The following LINGO2 variants were observed in gnomAD, a reference collection of about 807,000 sequenced individuals.
The protein encoded by LINGO2 is leucine-rich repeat and immunoglobulin-like domain-containing nogo receptor-interacting protein 2.
Under a neutral mutation model 30.6 loss-of-function variants are expected in LINGO2, and 14 were observed. The observed-to-expected ratio is 0.46, with a 90% CI of 0.30 to 0.72. The LOEUF (loss-of-function observed/expected upper bound fraction) is 0.72. Ranked by LOEUF, LINGO2 falls within the 30% of genes least tolerant of loss-of-function variation. The pLI, the probability that LINGO2 is intolerant of heterozygous loss-of-function variation, is 0.07. For synonymous variants in LINGO2, 317 were observed against 288.5 expected (o/e 1.10, Z -1.00); for missense variants, 729 against 751.7 (o/e 0.97, Z 0.35).
intron 4 of LINGO2, among the ~76,000 whole-genome samples, chr9:28,036,487 C>T (rs763617042): frequency 2.6e-5 from 4 of 152,120 alleles, no homozygotes; most frequent in Admixed American, 2.0e-4. Context: ...TCTAGTAGAC[C>T]TATGACTGAG....
At chr9:29,043,420 C>A in the LINGO2 span, among the ~76,000 whole-genome samples, 1 of 151,904 alleles carries the variant, frequency 6.6e-6, no homozygotes, top group Non-Finnish European at 1.5e-5. Context: ...TTTTAAGAAT[C>A]TTATAAAAAT....
intron 1 of LINGO2, among the ~76,000 whole-genome samples, chr9:28,601,750 CCCT>C (rs1825486264): frequency 6.6e-6 from 1 of 151,970 alleles, no homozygotes; most frequent in Admixed American, 6.6e-5. Flanking sequence ...TACAAAAATC[CCCT>C]CAAGTCCTCA....
chr9:28,718,759 C>T, the LINGO2 span, among the ~76,000 whole-genome samples: 3 of 152,124 alleles, frequency 2.0e-5, no homozygotes, highest in African/African-American at 7.2e-5. Flanking sequence ...TTATTCTTTG[C>T]TCTAGCTTTG....
chr9:27,998,102 C>T (rs1821759657), intron 5 of LINGO2, among the ~76,000 whole-genome samples: 1 of 152,162 alleles, frequency 6.6e-6, no homozygotes. Context: ...TCTCTGTATG[C>T]ACAGGCCCTT....
At chr9:28,676,449 G>T in the LINGO2 span, among the ~76,000 whole-genome samples, 1 of 152,050 alleles carries the variant, frequency 6.6e-6, no homozygotes, top group African/African-American at 2.4e-5. Context: ...GAAACATGTT[G>T]TCATAAACCA....
intron 4 of LINGO2, among the ~76,000 whole-genome samples, chr9:28,049,681 A>C (rs1264249742): frequency 6.6e-6 from 1 of 150,690 alleles, no homozygotes; most frequent in Non-Finnish European, 1.5e-5. Flanking sequence ...ATGAGACCAA[A>C]TGTGTAAAGG....
the LINGO2 span, among the ~76,000 whole-genome samples, chr9:29,032,419 T>G: frequency 6.6e-6 from 1 of 152,300 alleles, no homozygotes; most frequent in East Asian, 1.9e-4. Context: ...TTCAGATAAC[T>G]ACTTTTTAAA....
At chr9:28,238,993 T>G (rs1402911821) in intron 4 of LINGO2, among the ~76,000 whole-genome samples, 1 of 151,980 alleles carries the variant, frequency 6.6e-6, no homozygotes, top group East Asian at 1.9e-4. Flanking sequence ...CAAAGGATCA[T>G]TAGTGGCTAG....
intron 4 of LINGO2, among the ~76,000 whole-genome samples, chr9:28,093,495 C>G (rs1468186370): frequency 6.6e-6 from 1 of 151,900 alleles, no homozygotes; most frequent in Non-Finnish European, 1.5e-5. Flanking sequence ...TTTAGTGTGG[C>G]AATTAGTATA....
At chr9:28,381,993 T>C (rs566195328) in intron 2 of LINGO2, among the ~76,000 whole-genome samples, 3 of 152,220 alleles carry the variant, frequency 2.0e-5, no homozygotes, top group Non-Finnish European at 4.4e-5. Flanking sequence ...AAGAGCCAAG[T>C]CTTTGGATAC....
chr9:28,281,015 G>A (rs1823303914), intron 4 of LINGO2, among the ~76,000 whole-genome samples: 1 of 152,058 alleles, frequency 6.6e-6, no homozygotes, highest in African/African-American at 2.4e-5. Flanking sequence ...ATTTGTAACA[G>A]TCTTTTAAAA....
chr9:28,944,559 C>A, the LINGO2 span, among the ~76,000 whole-genome samples: 32 of 152,088 alleles, frequency 2.1e-4, no homozygotes, highest in Admixed American at 2.1e-3. Flanking sequence ...GCGCCTGCCA[C>A]CACGCCTGGC....
At chr9:27,985,402 T>A (rs1821078594) in intron 5 of LINGO2, among the ~76,000 whole-genome samples, 1 of 151,928 alleles carries the variant, frequency 6.6e-6, no homozygotes, top group Admixed American at 6.6e-5. Flanking sequence ...TTTTCTCCTC[T>A]TGTTTTCATA....
chr9:28,190,723 C>A (rs1261774906), intron 4 of LINGO2, among the ~76,000 whole-genome samples: 1 of 152,162 alleles, frequency 6.6e-6, no homozygotes, highest in South Asian at 2.1e-4. Context: ...TTAAACCAGC[C>A]CGGACATTCT....
chr9:28,436,665 G>C (rs967741005), intron 2 of LINGO2, among the ~76,000 whole-genome samples: 1 of 152,058 alleles, frequency 6.6e-6, no homozygotes, highest in Non-Finnish European at 1.5e-5. Flanking sequence ...CACCGTGTTA[G>C]CCAGGATGGT....
the LINGO2 span, among the ~76,000 whole-genome samples, chr9:28,801,690 C>A: frequency 6.6e-6 from 1 of 151,978 alleles, no homozygotes; most frequent in Non-Finnish European, 1.5e-5. Flanking sequence ...TTAATCTTTT[C>A]TTTTACAAAT....
intron 4 of LINGO2, among the ~76,000 whole-genome samples, chr9:28,229,451 G>GAACA (rs1356114734): frequency 1.3e-5 from 2 of 151,608 alleles, no homozygotes; most frequent in Admixed American, 6.6e-5. Flanking sequence ...AGTATCAGAG[G>GAACA]AGCAAAGAAG....
chr9:28,144,885 A>G (rs1473961664), intron 4 of LINGO2, among the ~76,000 whole-genome samples: 1 of 152,252 alleles, frequency 6.6e-6, no homozygotes, highest in African/African-American at 2.4e-5. Flanking sequence ...CATCCCAGTT[A>G]CAAAAACTGG....
At chr9:29,046,862 C>T in the LINGO2 span, among the ~76,000 whole-genome samples, 2 of 151,760 alleles carry the variant, frequency 1.3e-5, no homozygotes, top group Admixed American at 1.3e-4. Flanking sequence ...ACAGATCACT[C>T]GAGGTCAGGA....
Sources: allele counts gnomAD v4.1 joint callset (sites outside exome capture counted in the v4.1 genomes callset), GRCh38; gene constraint gnomAD v4.1.1; transcripts MANE v1.5; gene names NCBI Gene and HGNC (gene_info 2026-07-23, HGNC 2026-07-21).